ZNF398: variants seen among roughly 807,000 people sequenced by gnomAD.
ZNF398 encodes zinc finger protein 398, also known as zinc finger DNA binding protein ZER6.
Under a neutral mutation model 41.9 loss-of-function variants are expected in ZNF398, and 18 were observed. The ratio of observed to expected loss-of-function variants is 0.43; its 90% CI spans 0.30 to 0.64. ZNF398 has a LOEUF of 0.64. Ranked by LOEUF, ZNF398 falls within the 30% of genes least tolerant of loss-of-function variation. The pLI is 0.14. For synonymous variants in ZNF398, 260 were observed against 308.8 expected (o/e 0.84, Z 1.66); for missense variants, 669 against 822.8 (o/e 0.81, Z 2.29).
intron 2 of ZNF398, among the ~76,000 whole-genome samples, chr7:149,130,697 A>G (rs1826578164): frequency 6.6e-6 from 1 of 152,198 alleles, no homozygotes; most frequent in Admixed American, 6.6e-5. Context: ...CTGAAACACC[A>G]GGGGTTTGGT....
At position 149,179,626 on chromosome 7, in the gene ZNF398, A is replaced by G. The variant is rs1434521832; in HGVS notation, c.1754A>G (p.His585Arg). Residue 585 changes from histidine (H) to arginine (R), a missense_variant, in exon 6 of 6, where the codon CAC (histidine) becomes CGC (arginine). By Grantham distance (29) the His-to-Arg change is conservative. This residue lies in a region of ZNF398 where 210 missense variants were observed against 290.4 expected (regional missense o/e 0.72). Coordinates refer to ENST00000475153, the MANE Select transcript of ZNF398 (RefSeq NM_170686.3). This position sits in a 1 kb window ranked among gnomAD's most constrained non-coding sequence, Gnocchi z 6.1. ...CGCTACAAACAGACACTCAAGGACC[A>G]CCTCCGTTCAGGCCACAATGGAGGC... ...SFRYKQTLKD[H>R]LRSGHNGGCG... 1 of 1,614,048 alleles carries G rather than the reference A, an allele frequency of 6.2e-7. No homozygotes were observed. Among genetic ancestry groups the G allele is most frequent in the Admixed American group, 1.7e-5 (1 of 60,022 alleles).
chr7:149,149,934 C>T (rs1827070818), intron 1 of ZNF398, among the ~76,000 whole-genome samples: 1 of 152,154 alleles, frequency 6.6e-6, no homozygotes, highest in African/African-American at 2.4e-5. Flanking sequence ...TTCAGGTGCT[C>T]AGTGGCCACA....
intron 2 of ZNF398, among the ~76,000 whole-genome samples, chr7:149,141,239 G>T (rs1826817260): frequency 6.6e-6 from 1 of 150,514 alleles, no homozygotes; most frequent in Admixed American, 6.6e-5. Context: ...AAGAAAAAGA[G>T]AAAGTTTAGA....
rs574366389 is a variant in ZNF398 at position 149,167,756 on chromosome 7, G to A, written c.661+826G>A. Among the ~76,000 whole-genome samples the A allele has an allele frequency of 1.2e-4, 18 of 150,016 alleles. No individual in the cohort carries two copies. In the South Asian group the frequency reaches 2.3e-3, roughly 19 times the overall value. ...TTCCCAAGTAGCTGGGACTACAGGC[G>A]CCCGCCACCACGTCCGGATAATTTT... On this transcript the variant is annotated intron_variant, in intron 4 of 5. Transcript: ENST00000475153.
intron 5 of ZNF398, among the ~76,000 whole-genome samples, chr7:149,176,925 C>G (rs1795472943): frequency 6.6e-6 from 1 of 151,740 alleles, no homozygotes; most frequent in Non-Finnish European, 1.5e-5. Context: ...GAGACAAGCC[C>G]TGGAGACAGA....
intron 1 of ZNF398, among the ~76,000 whole-genome samples, chr7:149,126,847 CGGA>C (rs1826490645): frequency 6.6e-6 from 1 of 152,150 alleles, no homozygotes; most frequent in South Asian, 2.1e-4. Flanking sequence ...GTCGGGGACG[CGGA>C]GGAGGGGTCC....
intron 2 of ZNF398, among the ~76,000 whole-genome samples, chr7:149,161,019 C>T (rs183710894): frequency 6.6e-6 from 1 of 152,216 alleles, no homozygotes; most frequent in East Asian, 1.9e-4. Context: ...CCCAACGCTG[C>T]CCTCTTGACC....
intron 2 of ZNF398, among the ~76,000 whole-genome samples, chr7:149,163,154 C>T (rs997489784): frequency 6.6e-5 from 10 of 151,940 alleles, no homozygotes; most frequent in Non-Finnish European, 1.0e-4. Flanking sequence ...GTTAAATGCT[C>T]GGAAAAAGAG....
chr7:149,154,002 C>A lies in ZNF398; in HGVS notation c.82C>A (p.Pro28Thr). 1 of 1,614,122 alleles carries A rather than the reference C, an allele frequency of 6.2e-7. No individual in the cohort carries two copies. Among genetic ancestry groups the A allele is most frequent in the Non-Finnish European group, 8.5e-7 (1 of 1,180,012 alleles). ...TSLQPLPLPT[P>T]PAANEAHLQT... Reference sequence around the variant, plus strand: ...CCTGCAGCCCCTTCCTCTTCCTACACCCCCAGCAGCAAATGAGGCACACCT... The same window carrying A: ...CCTGCAGCCCCTTCCTCTTCCTACAACCCCAGCAGCAAATGAGGCACACCT... Residue 28 changes from proline to threonine, a missense_variant, in exon 2 of 6, where the codon CCC becomes ACC. By Grantham distance (38) the Pro-to-Thr change is conservative. Around this residue, in one of 3 missense-constraint regions of ZNF398, gnomAD observed 169 missense variants for 239.5 expected, o/e 0.71. Transcript: ENST00000475153.
chr7:149,149,088 G>A (rs955897758), intron 1 of ZNF398, among the ~76,000 whole-genome samples: 2 of 151,466 alleles, frequency 1.3e-5, no homozygotes, highest in Non-Finnish European at 2.9e-5. Context: ...AGAATCACTT[G>A]AGTCCAGGAG....
At chr7:149,171,409 C>T (rs1795340684) in intron 4 of ZNF398, among the ~76,000 whole-genome samples, 1 of 151,998 alleles carries the variant, frequency 6.6e-6, no homozygotes, top group African/African-American at 2.4e-5. Flanking sequence ...TGCCCTGTCG[C>T]CCAGGCTGGA....
chr7:149,155,714 T>TA (rs1399140333), intron 2 of ZNF398, among the ~76,000 whole-genome samples: 26 of 31,816 alleles, frequency 8.2e-4, no homozygotes, highest in South Asian at 6.5e-3. Flanking sequence ...TATATTTTTT[T>TA]TTTTTTTTTT....
intron 4 of ZNF398, among the ~76,000 whole-genome samples, chr7:149,167,618 T>A (rs2129521210): frequency 6.6e-6 from 1 of 151,844 alleles, no homozygotes; most frequent in Middle Eastern, 3.4e-3. Context: ...TATAGTTATT[T>A]TTTTCTTTTT....
intron 2 of ZNF398, among the ~76,000 whole-genome samples, chr7:149,155,727 T>TATTA (rs1395261209): frequency 1.6e-5 from 1 of 62,986 alleles, no homozygotes; most frequent in Non-Finnish European, 3.3e-5. Context: ...TTTTTTTTTT[T>TATTA]TTAATTTTTT....
chr7:149,178,925 T>C lies in ZNF398; in HGVS notation c.1053T>C (p.Asn351=). Reference sequence around the variant, plus strand: ...TCTCATGCCACCACTGTGGCAAGAATCTCAGCCAAGACATGTTGCTGACCC... The same window carrying C: ...TCTCATGCCACCACTGTGGCAAGAACCTCAGCCAAGACATGTTGCTGACCC... ...QVFSCHHCGK[N]LSQDMLLTHQ... is the part of the protein sequence containing the mutation. Residue 351 remains asparagine (N), a synonymous_variant, in exon 6 of 6, where the codon AAT becomes AAC. Coordinates refer to ENST00000475153, the MANE Select transcript of ZNF398 (RefSeq NM_170686.3). 1 of 1,614,126 alleles carries C rather than the reference T, an allele frequency of 6.2e-7. No homozygotes were observed. Among genetic ancestry groups the C allele is most frequent in the Non-Finnish European group, 8.5e-7 (1 of 1,180,028 alleles).
chr7:149,161,066 C>A (rs574454199), intron 2 of ZNF398, among the ~76,000 whole-genome samples: 2 of 152,006 alleles, frequency 1.3e-5, no homozygotes, highest in Non-Finnish European at 2.9e-5. Context: ...ATTTCCCCAG[C>A]GCCCCTTTGG....
At chr7:149,177,091 A>G (rs371148355) in intron 5 of ZNF398, among the ~76,000 whole-genome samples, 3 of 152,208 alleles carry the variant, frequency 2.0e-5, no homozygotes, top group South Asian at 4.1e-4. Flanking sequence ...GAAGGGTCCC[A>G]GTCATTTATA....
intron 2 of ZNF398, among the ~76,000 whole-genome samples, chr7:149,157,941 G>C (rs762406812): frequency 4.6e-5 from 7 of 151,958 alleles, no homozygotes; most frequent in Non-Finnish European, 8.8e-5. Context: ...GGCTCATGGT[G>C]GCAGGCGCCT....
Position 149,179,125 on chromosome 7 carries a change from G to T in ZNF398, c.1253G>T (p.Arg418Leu), listed in dbSNP as rs749554069. 6.2e-7 allele frequency: 1 copy of T among 1,613,782 alleles called. No individual in the cohort carries two copies. The highest frequency in any genetic ancestry group is 8.5e-7 in the Non-Finnish European group (1 of 1,180,016). Reference sequence around the variant, plus strand: ...CCATCAAGACTTACCTACCATCTTCGGGTCCATAACAGCACTGAGCGTCCT... The same window carrying T: ...CCATCAAGACTTACCTACCATCTTCTGGTCCATAACAGCACTGAGCGTCCT... The part of the protein sequence containing the change: ...THPSRLTYHL[R>L]VHNSTERPFP... Residue 418 changes from arginine (R) to leucine (L), a missense_variant, in exon 6 of 6, where the codon CGG becomes CTG. Arg to Leu is a moderately radical substitution (Grantham distance 102). Coordinates refer to ENST00000475153, the MANE Select transcript of ZNF398 (RefSeq NM_170686.3). The surrounding 1 kb of genome is among the most constrained non-coding windows in gnomAD (Gnocchi z 6.1).
Sources: allele counts gnomAD v4.1 joint callset (sites outside exome capture counted in the v4.1 genomes callset), GRCh38; gene constraint gnomAD v4.1.1; regional missense constraint gnomAD v4.1.1; non-coding constraint Gnocchi (gnomAD v3.1); transcripts MANE v1.5; gene names NCBI Gene and HGNC (gene_info 2026-07-23, HGNC 2026-07-21).